The following TMEM178A variants were observed in gnomAD, a reference collection of about 807,000 sequenced individuals.
TMEM178A encodes the protein transmembrane protein 178.
TMEM178A carries 12 observed loss-of-function variants against 29.1 expected under a neutral mutation model. That is an observed-to-expected ratio of 0.41 (90% CI 0.26 to 0.67). The LOEUF (loss-of-function observed/expected upper bound fraction) is 0.67. TMEM178A is among the 30% of genes least tolerant of loss of function. The pLI, the probability that TMEM178A is intolerant of heterozygous loss-of-function variation, is 0.29. For synonymous variants in TMEM178A, 210 were observed against 187.2 expected (o/e 1.12, Z -0.99); for missense variants, 366 against 419.1 (o/e 0.87, Z 1.11).
chr2:39,672,402 T>C (rs1670442267), intron 1 of TMEM178A, among the ~76,000 whole-genome samples: 1 of 152,244 alleles, frequency 6.6e-6, no homozygotes, highest in South Asian at 2.1e-4. Context: ...AAAGTTCACA[T>C]CCAATTATAC....
chr2:39,666,133 G>A lies in TMEM178A; in HGVS notation c.159G>A (p.Pro53=). ...GCAGCCGCGCGGGCGCCGACCCCCC[G>A]GACCAGAAGAACCGCCTGATGCCGC... ...CERSRAGADP[P]DQKNRLMPLS... The change falls in exon 1 of 4, where the codon CCG becomes CCA. Residue 53 remains proline (P), a synonymous_variant. Coordinates refer to ENST00000281961, the MANE Select transcript of TMEM178A (RefSeq NM_152390.3). The A allele has an allele frequency of 1.3e-6, 2 of 1,540,220 alleles. No individual in the cohort carries two copies. The highest frequency in any genetic ancestry group is 8.7e-7 in the Non-Finnish European group (1 of 1,149,622).
chr2:39,712,525 A>G (rs1018978383), intron 3 of TMEM178A, among the ~76,000 whole-genome samples: 3 of 152,216 alleles, frequency 2.0e-5, no homozygotes, highest in Admixed American at 1.3e-4. Flanking sequence ...TCTTCTAATT[A>G]GGAATATTGG....
intron 1 of TMEM178A, among the ~76,000 whole-genome samples, chr2:39,668,885 G>A (rs1221027981): frequency 1.3e-5 from 2 of 152,154 alleles, no homozygotes; most frequent in Non-Finnish European, 2.9e-5. Flanking sequence ...ACATTTTCCT[G>A]GCTCAAAGAT....
intron 1 of TMEM178A, among the ~76,000 whole-genome samples, chr2:39,680,365 A>G (rs1572655563): frequency 6.6e-6 from 1 of 152,186 alleles, no homozygotes; most frequent in Admixed American, 6.5e-5. Flanking sequence ...CGGTTTTCAA[A>G]TTGTTCACTC....
intron 1 of TMEM178A, among the ~76,000 whole-genome samples, chr2:39,675,325 A>G (rs1167249385): frequency 6.6e-6 from 1 of 152,202 alleles, no homozygotes; most frequent in Non-Finnish European, 1.5e-5. Flanking sequence ...AGCTGTATAA[A>G]TAACTCATTA....
rs1161176394 is a variant in TMEM178A, at chr2:39,716,887, C to A, written c.653-123C>A. On this transcript the variant is annotated intron_variant, in intron 3 of 3. Coordinates refer to ENST00000281961, the MANE Select transcript of TMEM178A (RefSeq NM_152390.3). Reference sequence around the variant, plus strand: ...TAATTCAAGTAAAATAATTATGGATCATTTGTGAATTTGGAGTGACTGCCT... The same window carrying A: ...TAATTCAAGTAAAATAATTATGGATAATTTGTGAATTTGGAGTGACTGCCT... 7.5e-6 allele frequency: 9 copies of A among 1,197,400 alleles called. No homozygotes were observed. In the East Asian group the frequency reaches 1.9e-4, roughly 25 times the overall value. The allele number at this position is 1,197,400 out of a possible 1,614,324, so 74.2% of individuals were successfully genotyped here. A position where few individuals can be genotyped will look rare whatever the true frequency, so the allele number is the denominator to read the frequency against.
chr2:39,705,620 G>T (rs1046433976), intron 2 of TMEM178A, among the ~76,000 whole-genome samples: 1 of 152,266 alleles, frequency 6.6e-6, no homozygotes, highest in Admixed American at 6.5e-5. Context: ...GATGCTCTGA[G>T]TGGGAAATGA....
intron 3 of TMEM178A, among the ~76,000 whole-genome samples, chr2:39,714,900 C>G (rs1044874267): frequency 6.6e-6 from 1 of 152,110 alleles, no homozygotes; most frequent in African/African-American, 2.4e-5. Flanking sequence ...ACTAGATTCA[C>G]TAGGAAGTTT....
the TMEM178A span, among the ~76,000 whole-genome samples, chr2:39,728,056 A>G: frequency 6.6e-6 from 1 of 152,306 alleles, no homozygotes; most frequent in African/African-American, 2.4e-5. Flanking sequence ...AGCATGATTT[A>G]TAATCCTTTG....
chr2:39,734,762 C>A, the TMEM178A span, among the ~76,000 whole-genome samples: 6 of 152,204 alleles, frequency 3.9e-5, no homozygotes, highest in Non-Finnish European at 5.9e-5. Flanking sequence ...GCAGCCTCTG[C>A]AGCCTTTCCT....
downstream of TMEM178A, among the ~76,000 whole-genome samples, chr2:39,720,883 G>T (rs1350264385): frequency 2.6e-5 from 4 of 152,178 alleles, no homozygotes; most frequent in African/African-American, 9.7e-5. Context: ...AATAATTAAA[G>T]GGACTATTAA....
chr2:39,679,178 G>T (rs73927016), intron 1 of TMEM178A, among the ~76,000 whole-genome samples: 2,461 of 152,266 alleles, frequency 0.016, 67 homozygotes, highest in African/African-American at 0.056. Flanking sequence ...TACCATCCAG[G>T]TTAGTATTGG....
intron 1 of TMEM178A, among the ~76,000 whole-genome samples, chr2:39,686,501 G>T (rs1671081112): frequency 6.6e-6 from 1 of 152,128 alleles, no homozygotes; most frequent in Admixed American, 6.5e-5. Flanking sequence ...TTTTGCACAG[G>T]CACCGGCTTC....
chr2:39,676,410 T>C lies in TMEM178A; in HGVS notation c.400+10036T>C, dbSNP rs78427757. 2.7e-3 allele frequency among the ~76,000 whole-genome samples: 412 copies of C among 152,306 alleles called. 3 individuals carry two copies. Among genetic ancestry groups the C allele is most frequent in the African/African-American group, 9.6e-3 (398 of 41,570 alleles). ...TCATGACAGTTCTGTGAGTTGCTAG[T>C]TGTGAATTCTGTGAGTGAGCTAGGA... On this transcript the variant is annotated intron_variant, in intron 1 of 3. Coordinates refer to ENST00000281961, the MANE Select transcript of TMEM178A (RefSeq NM_152390.3).
At chr2:39,675,277 G>T (rs1670569712) in intron 1 of TMEM178A, among the ~76,000 whole-genome samples, 1 of 152,126 alleles carries the variant, frequency 6.6e-6, no homozygotes, top group Non-Finnish European at 1.5e-5. Flanking sequence ...GTCCCCCAAA[G>T]TCATCTCTAG....
Position 39,682,594 on chromosome 2 carries a change from C to T in TMEM178A, c.400+16220C>T, listed in dbSNP as rs139625643. Among the ~76,000 whole-genome samples the T allele has an allele frequency of 1.5e-3, 235 of 152,210 alleles. 1 individual carries two copies. Among genetic ancestry groups the T allele is most frequent in the Middle Eastern group, 6.8e-3 (2 of 294 alleles). On this transcript the variant is annotated intron_variant, in intron 1 of 3. Coordinates refer to ENST00000281961, the MANE Select transcript of TMEM178A (RefSeq NM_152390.3). ...GGCAAATAGTTCCCAGGTGAGGTTT[C>T]AGGAGGTACTCCTGCTAGTGAAGAC...
At chr2:39,692,590 A>G (rs1671364117) in intron 1 of TMEM178A, among the ~76,000 whole-genome samples, 2 of 152,136 alleles carry the variant, frequency 1.3e-5, no homozygotes. Flanking sequence ...AATTACAAGT[A>G]CTATGATCCC....
intron 3 of TMEM178A, among the ~76,000 whole-genome samples, chr2:39,712,957 T>C (rs1212803189): frequency 6.6e-6 from 1 of 152,236 alleles, no homozygotes; most frequent in African/African-American, 2.4e-5. Context: ...CTTGGGGTAA[T>C]TTGTGATGAA....
intron 1 of TMEM178A, among the ~76,000 whole-genome samples, chr2:39,702,791 A>T (rs1671847460): frequency 6.6e-6 from 1 of 152,124 alleles, no homozygotes; most frequent in South Asian, 2.1e-4. Flanking sequence ...TCTCAAAGGG[A>T]GATTCAGAGA....
Sources: gnomAD v4.1 joint callset for allele counts (sites outside exome capture counted in the v4.1 genomes callset) on GRCh38, gnomAD v4.1.1 for gene constraint, MANE v1.5 for transcripts, NCBI Gene and HGNC (gene_info 2026-07-23, HGNC 2026-07-21) for gene names.